The following SLC24A3 variants were observed in gnomAD, a reference collection of about 807,000 sequenced individuals.
SLC24A3 encodes the protein sodium/potassium/calcium exchanger 3.
A neutral mutation model predicts 75.8 loss-of-function variants in SLC24A3; 28 were observed. That is an observed-to-expected ratio of 0.37 (90% CI 0.27 to 0.51). SLC24A3 has a LOEUF of 0.51. Among genes scored for constraint, SLC24A3 ranks in the 20% least tolerant of loss-of-function variants. The probability of loss-of-function intolerance (pLI) is 0.94; values close to 1 mark genes in which losing one functional copy is unlikely to be tolerated. For missense variants in SLC24A3, 663 were observed against 847.8 expected, an observed-to-expected ratio of 0.78 and a Z score of 2.71; for synonymous variants, 372 against 334.1, an observed-to-expected ratio of 1.11 and a Z score of -1.24.
At chr20:19,401,272 C>T (rs1355814979) in intron 2 of SLC24A3, among the ~76,000 whole-genome samples, 1 of 152,170 alleles carries the variant, frequency 6.6e-6, no homozygotes, top group Non-Finnish European at 1.5e-5. Context: ...AATGATGACA[C>T]CAGCCTCTCT....
At chr20:19,566,481 C>A (rs888387896) in intron 3 of SLC24A3, among the ~76,000 whole-genome samples, 1 of 152,214 alleles carries the variant, frequency 6.6e-6, no homozygotes, top group African/African-American at 2.4e-5. Flanking sequence ...CTTCTCATTG[C>A]TCACTGCCTC....
At chr20:19,637,958 C>CT (rs752668600) in intron 6 of SLC24A3, among the ~76,000 whole-genome samples, 3 of 151,916 alleles carry the variant, frequency 2.0e-5, no homozygotes, top group South Asian at 2.1e-4. Context: ...CTTCATTTTT[C>CT]TTTTTTTTAA....
intron 2 of SLC24A3, among the ~76,000 whole-genome samples, chr20:19,469,838 A>G (rs547827295): frequency 1.3e-5 from 2 of 152,314 alleles, no homozygotes; most frequent in East Asian, 3.9e-4. Flanking sequence ...GGCAAAGGAA[A>G]CGGCTGTGGT....
rs996030814 is a variant in SLC24A3 at position 19,559,790 on chromosome 20, G to A, written c.349-20210G>A. On this transcript the variant is annotated intron_variant, in intron 3 of 16. Transcript: ENST00000328041. The stretch of plus-strand genomic sequence containing the variant: ...GCTTTTTTATCATAAATATTCATAC[G>A]TTGGCTTCTGTGAGCACTTGCTACT... Among the ~76,000 whole-genome samples the A allele has an allele frequency of 3.3e-5, 5 of 151,826 alleles. No homozygotes were observed. In the South Asian group the frequency reaches 6.2e-4, roughly 19 times the overall value.
chr20:19,400,377 A>G (rs1463252302), intron 2 of SLC24A3, among the ~76,000 whole-genome samples: 1 of 152,136 alleles, frequency 6.6e-6, no homozygotes, highest in Non-Finnish European at 1.5e-5. Flanking sequence ...GCTAATTATT[A>G]CCCACTTCTG....
intron 1 of SLC24A3, among the ~76,000 whole-genome samples, chr20:19,219,492 G>A (rs1981650675): frequency 1.3e-5 from 2 of 152,196 alleles, no homozygotes; most frequent in Admixed American, 1.3e-4. Flanking sequence ...TGAGTGAGAA[G>A]AGAGGTGCTG....
chr20:19,415,454 T>C (rs1986810767), intron 2 of SLC24A3, among the ~76,000 whole-genome samples: 1 of 152,164 alleles, frequency 6.6e-6, no homozygotes, highest in South Asian at 2.1e-4. Flanking sequence ...TATAGAAAAG[T>C]TGAGGTGGAA....
chr20:19,270,112 A>G (rs1983281960), intron 1 of SLC24A3, among the ~76,000 whole-genome samples: 1 of 152,082 alleles, frequency 6.6e-6, no homozygotes, highest in African/African-American at 2.4e-5. Flanking sequence ...CTGAACTTGC[A>G]TTTTCCTTTC....
At chr20:19,537,573 C>T (rs1220773670) in intron 3 of SLC24A3, among the ~76,000 whole-genome samples, 1 of 152,166 alleles carries the variant, frequency 6.6e-6, no homozygotes, top group East Asian at 1.9e-4. Context: ...AAGACACATG[C>T]ACACGTATGT....
chr20:19,694,044 A>G (rs1429085070), intron 13 of SLC24A3: 1 of 152,394 alleles, frequency 6.6e-6, no homozygotes, highest in Admixed American at 6.5e-5. Flanking sequence ...ACAATGAGGC[A>G]TTGTATGAGG....
intron 2 of SLC24A3, among the ~76,000 whole-genome samples, chr20:19,400,964 G>T (rs1263520986): frequency 6.6e-6 from 1 of 152,064 alleles, no homozygotes; most frequent in Non-Finnish European, 1.5e-5. Flanking sequence ...CTTGATCTGG[G>T]GCAAATATTT....
chr20:19,414,604 ATACTC>A (rs1986797237), intron 2 of SLC24A3, among the ~76,000 whole-genome samples: 1 of 152,374 alleles, frequency 6.6e-6, no homozygotes, highest in African/African-American at 2.4e-5. Context: ...CTGGAAGAAA[ATACTC>A]TAAATTCTTA....
At chr20:19,293,667 A>G (rs1276740544) in intron 2 of SLC24A3, among the ~76,000 whole-genome samples, 1 of 151,974 alleles carries the variant, frequency 6.6e-6, no homozygotes, top group Non-Finnish European at 1.5e-5. Flanking sequence ...AAAAAAAAAA[A>G]AAAAAAAAGG....
At chr20:19,719,629 G>T (rs891097333) in intron 16 of SLC24A3, among the ~76,000 whole-genome samples, 3 of 152,128 alleles carry the variant, frequency 2.0e-5, no homozygotes, top group African/African-American at 7.2e-5. Flanking sequence ...AGGGAAGGAT[G>T]AGATGCCTGC....
At chr20:19,590,161 C>T (rs550760447) in intron 6 of SLC24A3, among the ~76,000 whole-genome samples, 47 of 150,318 alleles carry the variant, frequency 3.1e-4, no homozygotes, top group African/African-American at 9.8e-4. Flanking sequence ...TGGCAAAAAC[C>T]GCAATTACTT....
intron 2 of SLC24A3, among the ~76,000 whole-genome samples, chr20:19,468,225 A>G (rs1212968612): frequency 4.6e-5 from 7 of 152,150 alleles, no homozygotes; most frequent in Non-Finnish European, 1.5e-5. Flanking sequence ...ACTGAACAAG[A>G]TAGGGATCTG....
intron 2 of SLC24A3, among the ~76,000 whole-genome samples, chr20:19,376,852 C>G (rs756229922): frequency 6.6e-6 from 1 of 152,124 alleles, no homozygotes; most frequent in Non-Finnish European, 1.5e-5. Flanking sequence ...CAAAGACGGC[C>G]AGGTGGAGCC....
intron 3 of SLC24A3, among the ~76,000 whole-genome samples, chr20:19,571,773 T>A (rs914457603): frequency 6.6e-6 from 1 of 152,146 alleles, no homozygotes; most frequent in Non-Finnish European, 1.5e-5. Context: ...CAATGCCAAA[T>A]GACTAAATAA....
At chr20:19,599,712 T>C (rs2031501253) in intron 6 of SLC24A3, among the ~76,000 whole-genome samples, 2 of 152,190 alleles carry the variant, frequency 1.3e-5, no homozygotes, top group South Asian at 4.1e-4. Context: ...TAAATGGAAT[T>C]TGAGGCCTTT....
Sources: gnomAD v4.1 joint callset for allele counts (sites outside exome capture counted in the v4.1 genomes callset) on GRCh38, gnomAD v4.1.1 for gene constraint, MANE v1.5 for transcripts, NCBI Gene and HGNC (gene_info 2026-07-23, HGNC 2026-07-21) for gene names.